The following MFN1 variants were observed in gnomAD, a reference collection of about 807,000 sequenced individuals.
MFN1 encodes the protein mitofusin 1.
In MFN1, 65 loss-of-function variants were observed where a neutral mutation model predicts 92.4. The ratio of observed to expected loss-of-function variants is 0.70; its 90% CI spans 0.58 to 0.86. The LOEUF is 0.86. Among genes scored for constraint, MFN1 ranks in the 40% least tolerant of loss-of-function variants. The pLI is 0.00. For synonymous variants in MFN1, 297 were observed against 300.9 expected (o/e 0.99, Z 0.13); for missense variants, 781 against 868.0 (o/e 0.90, Z 1.26).
chr3:179,368,711 A>G (rs1712900932), intron 9 of MFN1, among the ~76,000 whole-genome samples: 1 of 152,182 alleles, frequency 6.6e-6, no homozygotes, highest in Non-Finnish European at 1.5e-5. Context: ...CTTATGTTGC[A>G]TTGTAAGTGT....
chr3:179,351,000 T>G (rs1000251083), intron 2 of MFN1, among the ~76,000 whole-genome samples: 2 of 152,184 alleles, frequency 1.3e-5, no homozygotes, highest in African/African-American at 4.8e-5. Context: ...AGATGGTGTT[T>G]TACCATATTG....
chr3:179,349,309 C>G (rs192742247), intron 2 of MFN1, among the ~76,000 whole-genome samples: 43 of 152,282 alleles, frequency 2.8e-4, no homozygotes, highest in Admixed American at 1.0e-3. Context: ...CAAGATCACA[C>G]AGCTAATAAG....
intron 10 of MFN1, 111 bp from the exon 11 acceptor site, chr3:179,376,931 T>G: frequency 9.7e-7 from 1 of 1,033,868 alleles, no homozygotes; most frequent in East Asian, 2.7e-5. Context: ...CAAGTTTTTT[T>G]TTTCCTTGAG....
At chr3:179,372,597 A>T (rs973002161) in intron 9 of MFN1, among the ~76,000 whole-genome samples, 3 of 152,168 alleles carry the variant, frequency 2.0e-5, no homozygotes, top group Non-Finnish European at 2.9e-5. Context: ...GGGAACACCA[A>T]TGTGGGATTA....
chr3:179,384,185 GAATATTCCATTAT>G (rs1482546818), intron 14 of MFN1, among the ~76,000 whole-genome samples: 9 of 152,152 alleles, frequency 5.9e-5, no homozygotes, highest in Non-Finnish European at 1.2e-4. Context: ...TACGGCTGAG[GAATATTCCATTAT>G]AGATACAACA....
At chr3:179,357,566 G>A (rs1017271827) in intron 3 of MFN1, among the ~76,000 whole-genome samples, 4 of 152,154 alleles carry the variant, frequency 2.6e-5, no homozygotes, top group Non-Finnish European at 4.4e-5. Flanking sequence ...AAAGGAAAGA[G>A]GTAAAACATA....
chr3:179,358,831 ATTC>A lies in MFN1; in HGVS notation c.249-5_249-3del, dbSNP rs1226518650. On this transcript the variant is annotated splice_region_variant and splice_polypyrimidine_tract_variant and intron_variant, in intron 3 of 17. Transcript: ENST00000471841. ...TGTTTTGTTTTTCATGATTTTGTATATTCTTCAGGACAAGCAGTGGGAAGAGCT... is the reference window on the plus strand; with the variant it reads ...TGTTTTGTTTTTCATGATTTTGTATATTCAGGACAAGCAGTGGGAAGAGCT... 3 of 1,602,974 alleles carry A rather than the reference ATTC, an allele frequency of 1.9e-6. No individual in the cohort carries two copies. The highest frequency in any genetic ancestry group is 2.6e-6 in the Non-Finnish European group (3 of 1,174,690).
intron 14 of MFN1, among the ~76,000 whole-genome samples, chr3:179,380,980 G>A (rs951481932): frequency 3.9e-5 from 6 of 152,190 alleles, no homozygotes; most frequent in African/African-American, 1.4e-4. Context: ...CCATCCGTAA[G>A]CTGGAAGAAG....
At chr3:179,361,462 C>A (rs530913790) in intron 4 of MFN1, among the ~76,000 whole-genome samples, 11 of 152,112 alleles carry the variant, frequency 7.2e-5, no homozygotes, top group African/African-American at 2.7e-4. Flanking sequence ...CACCTTCCAC[C>A]TTTACCCCTG....
intron 3 of MFN1, among the ~76,000 whole-genome samples, chr3:179,353,383 T>C (rs1310189058): frequency 1.3e-5 from 2 of 149,048 alleles, no homozygotes; most frequent in Admixed American, 1.3e-4. Context: ...AATTTTTATA[T>C]TTTTATTAGA....
intron 8 of MFN1, 94 bp from the exon 9 acceptor site, chr3:179,367,942 A>ATG: frequency 1.9e-6 from 1 of 523,350 alleles, no homozygotes; most frequent in East Asian, 7.6e-5. Context: ...AAGTATATAT[A>ATG]TATATATATA....
At chr3:179,367,329 A>G in intron 7 of MFN1, 110 bp from the exon 8 acceptor site, 1 of 822,174 alleles carries the variant, frequency 1.2e-6, no homozygotes, top group Non-Finnish European at 1.8e-6. Context: ...CATTAGTTAT[A>G]TGGTAACTTT....
At chr3:179,389,404 CTT>C (rs1713815936) in intron 16 of MFN1, among the ~76,000 whole-genome samples, 1 of 152,122 alleles carries the variant, frequency 6.6e-6, no homozygotes, top group Non-Finnish European at 1.5e-5. Context: ...TCTTAGAAGA[CTT>C]TGCACATTAA....
chr3:179,352,314 G>A (rs1712179473), intron 3 of MFN1, among the ~76,000 whole-genome samples: 1 of 152,180 alleles, frequency 6.6e-6, no homozygotes. Flanking sequence ...TAAATGATAA[G>A]CATACTTTGT....
chr3:179,351,084 C>T (rs1361241101), intron 2 of MFN1, among the ~76,000 whole-genome samples: 3 of 152,186 alleles, frequency 2.0e-5, no homozygotes, highest in African/African-American at 7.2e-5. Flanking sequence ...GGATTATAGG[C>T]GTGAGCCCCC....
chr3:179,383,583 A>G (rs1713556528), intron 14 of MFN1, among the ~76,000 whole-genome samples: 1 of 152,162 alleles, frequency 6.6e-6, no homozygotes, highest in South Asian at 2.1e-4. Context: ...TGAACTTTAA[A>G]GTAGTTTTTT....
Position 179,367,424 on chromosome 3 carries a change from C to G in MFN1, c.754-15C>G. 6.4e-7 allele frequency: 1 copy of G among 1,563,120 alleles called. No homozygotes were observed. The highest frequency in any genetic ancestry group is 8.7e-7 in the Non-Finnish European group (1 of 1,155,886). On this transcript the variant is annotated splice_polypyrimidine_tract_variant and intron_variant, in intron 7 of 17. Coordinates refer to ENST00000471841, the MANE Select transcript of MFN1 (RefSeq NM_033540.3). ...TTAAATTATTAGAATTCTTTTAATA[C>G]CGTTTTCTCTGTAGGTACGCAGACA...
In MFN1 at chr3:179,393,438, GTCCT is replaced by G. The variant is rs1486747969; in HGVS notation, c.*1385_*1388del. ...AAAGCTTTTTTTTTCTTTGAATACAGTCCTTCCTTTTCTATGCCTTTTAAGGCTT... is the reference window on the plus strand; with the variant it reads ...AAAGCTTTTTTTTTCTTTGAATACAGTCCTTTTCTATGCCTTTTAAGGCTT... On this transcript the variant is annotated 3_prime_UTR_variant, in exon 18 of 18. Coordinates refer to ENST00000471841, the MANE Select transcript of MFN1 (RefSeq NM_033540.3). 1 of 151,920 alleles carries G rather than the reference GTCCT, an allele frequency of 6.6e-6. No individual in the cohort carries two copies. The highest frequency in any genetic ancestry group is 2.4e-5 in the African/African-American group (1 of 41,334). The allele number at this position is 151,920 out of a possible 1,614,324, so 9.4% of individuals were successfully genotyped here.
At chr3:179,359,732 A>G (rs1712499463) in intron 4 of MFN1, 1 of 149,626 alleles carries the variant, frequency 6.7e-6, no homozygotes, top group Non-Finnish European at 1.5e-5. Context: ...GCGCCACCAC[A>G]CCCGGCCAAA....
Sources: allele counts gnomAD v4.1 joint callset (sites outside exome capture counted in the v4.1 genomes callset), GRCh38; gene constraint gnomAD v4.1.1; transcripts MANE v1.5; gene names NCBI Gene and HGNC (gene_info 2026-07-23, HGNC 2026-07-21).